Variants in NUP133 observed in about 807,000 individuals in gnomAD.
The protein encoded by NUP133 is nucleoporin 133.
Under a neutral mutation model 146.2 loss-of-function variants are expected in NUP133, and 66 were observed. That is an observed-to-expected ratio of 0.45 (90% CI 0.37 to 0.55). The LOEUF (loss-of-function observed/expected upper bound fraction) is 0.55, where lower values mean the gene tolerates loss of function less well. Ranked by LOEUF, NUP133 falls within the 20% of genes least tolerant of loss-of-function variation. The pLI is 0.00. For missense variants in NUP133, 1,277 were observed against 1,374.8 expected (o/e 0.93, Z 1.12); for synonymous variants, 521 against 498.8 (o/e 1.04, Z -0.59).
chr1:229,493,242 A>C (rs942166160), intron 8 of NUP133, among the ~76,000 whole-genome samples: 1 of 152,136 alleles, frequency 6.6e-6, no homozygotes, highest in Non-Finnish European at 1.5e-5. Context: ...CAGTGGTGGG[A>C]TCATAGCTCA....
intron 12 of NUP133, among the ~76,000 whole-genome samples, chr1:229,479,093 C>T (rs1032679141): frequency 6.6e-6 from 1 of 152,110 alleles, no homozygotes; most frequent in African/African-American, 2.4e-5. Context: ...GAGAGACCAA[C>T]CACACTCACA....
At chr1:229,453,645 A>G (rs1660504123) in intron 21 of NUP133, among the ~76,000 whole-genome samples, 1 of 152,216 alleles carries the variant, frequency 6.6e-6, no homozygotes, top group African/African-American at 2.4e-5. Flanking sequence ...GAATACTGTT[A>G]ACACTTCAGC....
chr1:229,503,234 C>T (rs80101140), intron 2 of NUP133, among the ~76,000 whole-genome samples: 1,864 of 151,764 alleles, frequency 0.012, 18 homozygotes, highest in Non-Finnish European at 0.014. Flanking sequence ...GCTGAGATCG[C>T]GCCACTGCAC....
chr1:229,495,982 A>C lies in NUP133; in HGVS notation c.885T>G (p.Ser295Arg), dbSNP rs1362645955. 2 of 1,611,792 alleles carry C rather than the reference A, an allele frequency of 1.2e-6. No individual in the cohort carries two copies. Among genetic ancestry groups the C allele is most frequent in the Admixed American group, 3.4e-5 (2 of 59,632 alleles). The change falls in exon 7 of 26, where the codon AGT becomes AGG. Residue 295 changes from serine to arginine, a missense_variant. Around this residue, in one of 3 missense-constraint regions of NUP133, gnomAD observed 952 missense variants for 1,047.0 expected, o/e 0.91. Transcript: ENST00000261396. ...CTGAAGAATCATCTAATTCCCATTTACTGATGTTTGAACTCGTCAGGCTAT... is the reference window on the plus strand; with the variant it reads ...CTGAAGAATCATCTAATTCCCATTTCCTGATGTTTGAACTCGTCAGGCTAT... Reference protein sequence around the residue: ...SFYSLTSSNISKWELDDSSEK... With the variant: ...SFYSLTSSNIRKWELDDSSEK...
chr1:229,508,024 C>G (rs768544421), intron 1 of NUP133, 44 bp downstream of exon 1: 2 of 1,416,406 alleles, frequency 1.4e-6, no homozygotes, highest in Non-Finnish European at 1.9e-6. Context: ...CACTGCGGCC[C>G]GTGAGGCTGT....
intron 8 of NUP133, among the ~76,000 whole-genome samples, chr1:229,494,422 A>T (rs946711522): frequency 6.6e-6 from 1 of 152,060 alleles, no homozygotes; most frequent in Non-Finnish European, 1.5e-5. Flanking sequence ...AACACGTAGA[A>T]TTTGTTCTAC....
At chr1:229,469,506 A>G (rs184735949) in intron 15 of NUP133, among the ~76,000 whole-genome samples, 4 of 152,266 alleles carry the variant, frequency 2.6e-5, no homozygotes, top group Admixed American at 6.5e-5. Context: ...CTGTTTGCAA[A>G]GGTGTGGGCA....
intron 21 of NUP133, among the ~76,000 whole-genome samples, chr1:229,457,844 T>C (rs1472200905): frequency 6.6e-6 from 1 of 152,208 alleles, no homozygotes; most frequent in Non-Finnish European, 1.5e-5. Flanking sequence ...AAACCCACTG[T>C]GTAAAGGTCA....
chr1:229,498,032 A>G, intron 6 of NUP133, 104 bp downstream of exon 6: 1 of 721,788 alleles, frequency 1.4e-6, no homozygotes, highest in Non-Finnish European at 2.1e-6. Context: ...TTTATTTCGC[A>G]TAAGCTACTG....
At chr1:229,497,324 T>C (rs1187117647) in intron 6 of NUP133, among the ~76,000 whole-genome samples, 1 of 152,176 alleles carries the variant, frequency 6.6e-6, no homozygotes, top group African/African-American at 2.4e-5. Flanking sequence ...AAAAAAGGGA[T>C]GGTGCTCTTA....
intron 12 of NUP133, among the ~76,000 whole-genome samples, chr1:229,479,281 A>G (rs578020306): frequency 3.9e-5 from 6 of 152,262 alleles, no homozygotes; most frequent in African/African-American, 1.2e-4. Flanking sequence ...TTTGGTTGAA[A>G]ACATGCTGTG....
In NUP133 at chr1:229,508,335, G is replaced by T. The variant is rs1040853569; in HGVS notation, c.-86C>A. ...TGCGCGCGGAACTTAAACACCTAAG[G>T]GAAGAGATGGCGCGCGATGATGACG... On this transcript the variant is annotated 5_prime_UTR_variant, in exon 1 of 26. Coordinates refer to ENST00000261396, the MANE Select transcript of NUP133 (RefSeq NM_018230.3). The T allele has an allele frequency of 9.8e-7, 1 of 1,017,772 alleles. No homozygotes were observed. The highest frequency in any genetic ancestry group is 3.2e-5 in the East Asian group (1 of 30,844). The allele number at this position is 1,017,772 out of a possible 1,614,324, so 63.0% of individuals were successfully genotyped here. A position where few individuals can be genotyped will look rare whatever the true frequency, so the allele number is the denominator to read the frequency against.
At chr1:229,446,474 G>A (rs1660305390) in intron 24 of NUP133, among the ~76,000 whole-genome samples, 1 of 151,878 alleles carries the variant, frequency 6.6e-6, no homozygotes, top group Admixed American at 6.6e-5. Flanking sequence ...TTAGAAAAGG[G>A]CACTGACCCT....
chr1:229,500,693 C>A, intron 4 of NUP133, 63 bp downstream of exon 4: 8 of 924,848 alleles, frequency 8.7e-6, no homozygotes, highest in Non-Finnish European at 1.3e-5. Context: ...GAGGATGATT[C>A]CTCTAACTTT....
intron 21 of NUP133, 30 bp downstream of exon 21, chr1:229,458,131 T>C (rs1233503795): frequency 1.0e-5 from 16 of 1,599,984 alleles, no homozygotes; most frequent in Non-Finnish European, 1.3e-5. Flanking sequence ...CATGACCAAT[T>C]TGTAAATCCT....
At position 229,495,931 on chromosome 1, in the gene NUP133, T is replaced by C. The variant is rs745503235; in HGVS notation, c.936A>G (p.Ile312Met). ...TAATGTTTTCCTTCAGGGCTCTATT[T>C]ATATCCCAACTGTATGCATGCTTTT... ...SSEKHAYSWDINRALKENITD... is the reference protein window; with the variant it reads ...SSEKHAYSWDMNRALKENITD... Residue 312 changes from isoleucine (I) to methionine (M), a missense_variant, in exon 7 of 26, where the codon ATA becomes ATG. Physicochemically the swap from Ile to Met is conservative, Grantham distance 10. Around this residue, in one of 3 missense-constraint regions of NUP133, gnomAD observed 952 missense variants for 1,047.0 expected, o/e 0.91. Coordinates refer to ENST00000261396, the MANE Select transcript of NUP133 (RefSeq NM_018230.3). The C allele has an allele frequency of 6.2e-7, 1 of 1,608,598 alleles. No individual in the cohort carries two copies. The highest frequency in any genetic ancestry group is 1.1e-5 in the South Asian group (1 of 89,710).
At chr1:229,463,774 A>C in intron 18 of NUP133, 98 bp from the exon 19 acceptor site, 1 of 1,267,118 alleles carries the variant, frequency 7.9e-7, no homozygotes. Flanking sequence ...TTCCTATTAT[A>C]AACCAACAAT....
chr1:229,477,755 T>C lies in NUP133; in HGVS notation c.1598A>G (p.Asp533Gly). 4 of 1,603,032 alleles carry C rather than the reference T, an allele frequency of 2.5e-6. No individual in the cohort carries two copies. Among genetic ancestry groups the C allele is most frequent in the Non-Finnish European group, 3.4e-6 (4 of 1,174,112 alleles). The change falls in exon 13 of 26, where the codon GAT becomes GGT. Residue 533 changes from aspartate (D) to glycine (G), a missense_variant. Coordinates refer to ENST00000261396, the MANE Select transcript of NUP133 (RefSeq NM_018230.3). ...KAAFLQYCRK[D>G]LGHAQMVVDE... Reference sequence around the variant, plus strand: ...AACCACCATTTGAGCATGACCTAAATCTTTTCTGAAATAAAATTGGAAAAC... The same window carrying C: ...AACCACCATTTGAGCATGACCTAAACCTTTTCTGAAATAAAATTGGAAAAC...
intron 24 of NUP133, 71 bp downstream of exon 24, chr1:229,449,055 C>T: frequency 8.8e-7 from 1 of 1,136,920 alleles, no homozygotes; most frequent in Middle Eastern, 2.3e-4. Flanking sequence ...CTGTTATTGA[C>T]TGTCATGTGG....
Sources: gnomAD v4.1 joint callset for allele counts (sites outside exome capture counted in the v4.1 genomes callset) on GRCh38, gnomAD v4.1.1 for gene constraint, gnomAD v4.1.1 regional missense constraint, MANE v1.5 for transcripts, NCBI Gene and HGNC (gene_info 2026-07-23, HGNC 2026-07-21) for gene names.